The following JAKMIP3 variants were observed in gnomAD, a reference collection of about 807,000 sequenced individuals.
The protein encoded by JAKMIP3 is Janus kinase and microtubule interacting protein 3, also known as janus kinase and microtubule-interacting protein 3.
JAKMIP3 carries 58 observed loss-of-function variants against 118.5 expected under a neutral mutation model. The observed-to-expected ratio is 0.49, with a 90% CI of 0.40 to 0.61. The LOEUF is 0.61. JAKMIP3 is among the 20% of genes least tolerant of loss of function. The pLI is 0.00. For missense variants in JAKMIP3, 950 were observed against 1,109.0 expected (o/e 0.86, Z 2.04); for synonymous variants, 486 against 451.2 (o/e 1.08, Z -0.98).
In JAKMIP3 at chr10:132,133,401, C is replaced by T; in HGVS notation, c.723C>T (p.Leu241=). 6.2e-7 allele frequency: 1 copy of T among 1,600,606 alleles called. No homozygotes were observed. Among genetic ancestry groups the T allele is most frequent in the Non-Finnish European group, 8.5e-7 (1 of 1,173,774 alleles). ...CCGGGCATGCTCAGAGACTGCAGCT[C>T]CAAAAAGAGGCTCTAGATGAGCAGC... is the stretch of plus-strand genomic sequence containing the variant. The part of the protein sequence containing the change: ...VQAGHAQRLQ[L]QKEALDEQLS... The change falls in exon 4 of 24, where the codon CTC becomes CTT. Residue 241 remains leucine (L), a synonymous_variant. Transcript: ENST00000684848.
intron 6 of JAKMIP3, among the ~76,000 whole-genome samples, chr10:132,136,488 A>G (rs894607587): frequency 4.7e-4 from 72 of 152,286 alleles, no homozygotes; most frequent in African/African-American, 1.7e-3. Flanking sequence ...CTGCTCCGCC[A>G]AGGCCATGAG....
Position 132,136,068 on chromosome 10 carries a change from A to G in JAKMIP3, c.1108A>G (p.Ile370Val). Residue 370 changes from isoleucine to valine, a missense_variant, in exon 6 of 24, where the codon ATA (isoleucine) becomes GTA (valine). Ile to Val is a conservative substitution (Grantham distance 29). Transcript: ENST00000684848. ...NKLKFVTQEN[I>V]EMRQRAGIIR... ...GTTAAAATTTGTCACCCAGGAGAAC[A>G]TAGAAATGGTGAGGGGGTGGGGGGC... 2 of 1,613,352 alleles carry G rather than the reference A, an allele frequency of 1.2e-6. No individual in the cohort carries two copies. The highest frequency in any genetic ancestry group is 2.2e-5 in the East Asian group (1 of 44,878).
At chr10:132,158,346 C>T (rs943041313) in intron 19 of JAKMIP3, among the ~76,000 whole-genome samples, 1 of 152,128 alleles carries the variant, frequency 6.6e-6, no homozygotes, top group Non-Finnish European at 1.5e-5. Context: ...CCACCATGGT[C>T]CTTGTGATCA....
chr10:132,039,519 G>A (rs1353698952), intron 1 of JAKMIP3, among the ~76,000 whole-genome samples: 1 of 152,204 alleles, frequency 6.6e-6, no homozygotes, highest in African/African-American at 2.4e-5. Flanking sequence ...GCAAGGCTGA[G>A]AGGCCTGGCC....
In JAKMIP3 at chr10:132,049,325, C is replaced by T. The variant is rs1172976586; in HGVS notation, c.-138+12587C>T. 6.6e-6 allele frequency among the ~76,000 whole-genome samples: 1 copy of T among 152,114 alleles called. No individual in the cohort carries two copies. Among genetic ancestry groups the T allele is most frequent in the African/African-American group, 2.4e-5 (1 of 41,414 alleles). On this transcript the variant is annotated intron_variant, in intron 1 of 23. Transcript: ENST00000657785. The surrounding 1 kb of genome is among the most constrained non-coding windows in gnomAD (Gnocchi z 4.3). ...TTAGGGCTGGGAGTGCTGCCCTCCT[C>T]CTCACCTTCCACTTCCTCCTCTTTC...
intron 1 of JAKMIP3, among the ~76,000 whole-genome samples, chr10:132,048,783 C>G (rs573832674): frequency 1.7e-4 from 22 of 132,014 alleles, no homozygotes; most frequent in African/African-American, 4.8e-4. Flanking sequence ...ACTACAGGCA[C>G]CCGCCACCAC....
Position 132,168,081 on chromosome 10 carries a change from G to A in JAKMIP3, c.*151G>A. Reference sequence around the variant, plus strand: ...CACGCCCGTCCCGTGGAGGAAGAGTGAGAAGGGGCAGTGTGTGGGGCGTGG... The same window carrying A: ...CACGCCCGTCCCGTGGAGGAAGAGTAAGAAGGGGCAGTGTGTGGGGCGTGG... On this transcript the variant is annotated 3_prime_UTR_variant, in exon 23 of 24. Transcript: ENST00000684848. 2 of 1,289,536 alleles carry A rather than the reference G, an allele frequency of 1.6e-6. No individual in the cohort carries two copies. The highest frequency in any genetic ancestry group is 1.0e-6 in the Non-Finnish European group (1 of 988,796). 79.9% of individuals were successfully genotyped at this position (1,289,536 alleles called of 1,614,324 possible). A position where few individuals can be genotyped will look rare whatever the true frequency, so the allele number is the denominator to read the frequency against.
Position 132,044,806 on chromosome 10 carries a change from C to T in JAKMIP3, c.-138+8068C>T, listed in dbSNP as rs1194655583. ...CTTCCCAAACGGAAACTGTACCCCCCACCCAGCCCCTGACACCCCCACTGG... is the reference window on the plus strand; with the variant it reads ...CTTCCCAAACGGAAACTGTACCCCCTACCCAGCCCCTGACACCCCCACTGG... On this transcript the variant is annotated intron_variant, in intron 1 of 23. Transcript: ENST00000657785. The surrounding 1 kb of genome is among the most constrained non-coding windows in gnomAD (Gnocchi z 5.3). Among the ~76,000 whole-genome samples the T allele has an allele frequency of 6.6e-6, 1 of 152,114 alleles. No homozygotes were observed. Among genetic ancestry groups the T allele is most frequent in the Non-Finnish European group, 1.5e-5 (1 of 68,032 alleles).
At chr10:132,123,694 G>T (rs927717220) in intron 3 of JAKMIP3, among the ~76,000 whole-genome samples, 4 of 152,184 alleles carry the variant, frequency 2.6e-5, no homozygotes, top group African/African-American at 9.7e-5. Flanking sequence ...TTCAAAAATG[G>T]CATTGCTGAG....
chr10:132,039,308 G>A (rs917333876), intron 1 of JAKMIP3, among the ~76,000 whole-genome samples: 7 of 152,214 alleles, frequency 4.6e-5, no homozygotes, highest in African/African-American at 1.7e-4. Context: ...TCTTAGCTGT[G>A]ATTCAGGAAC....
chr10:132,093,183 G>A (rs2043325956), intron 1 of JAKMIP3, among the ~76,000 whole-genome samples: 1 of 152,194 alleles, frequency 6.6e-6, no homozygotes, highest in African/African-American at 2.4e-5. Context: ...GCCCTTACTG[G>A]GGGGTGCCTC....
chr10:132,045,630 T>A (rs1331131163), intron 1 of JAKMIP3, among the ~76,000 whole-genome samples: 4 of 152,220 alleles, frequency 2.6e-5, no homozygotes, highest in Admixed American at 2.6e-4. Context: ...TAATTCTTTA[T>A]TTCAAGAATA....
chr10:132,053,383 G>A (rs1375446149), intron 1 of JAKMIP3, among the ~76,000 whole-genome samples: 1 of 152,228 alleles, frequency 6.6e-6, no homozygotes, highest in Non-Finnish European at 1.5e-5. Context: ...AGGGGAGACT[G>A]TCCTGTGGAA....
rs1437895944 is a variant in JAKMIP3 at position 132,140,588 on chromosome 10, G to T, written c.1473+9G>T. On this transcript the variant is annotated intron_variant, in intron 10 of 23. Coordinates refer to ENST00000684848, the MANE Select transcript of JAKMIP3 (RefSeq NM_001323087.2). ...ACGATGACTTGGAGGAGGTAACGAG[G>T]GTCTCCTGCCGGGTCCTGGGCTTGG... 1 of 1,406,198 alleles carries T rather than the reference G, an allele frequency of 7.1e-7. No individual in the cohort carries two copies. Among genetic ancestry groups the T allele is most frequent in the Non-Finnish European group, 9.4e-7 (1 of 1,066,556 alleles). 87.1% of individuals were successfully genotyped at this position (1,406,198 alleles called of 1,614,324 possible).
chr10:132,120,469 A>G (rs1406063408), intron 3 of JAKMIP3, among the ~76,000 whole-genome samples: 1 of 152,202 alleles, frequency 6.6e-6, no homozygotes, highest in East Asian at 1.9e-4. Context: ...CATCAGGGAC[A>G]CAGCTCCCAT....
At chr10:132,037,913 G>A (rs573950205) in intron 1 of JAKMIP3, among the ~76,000 whole-genome samples, 1 of 152,240 alleles carries the variant, frequency 6.6e-6, no homozygotes, top group Non-Finnish European at 1.5e-5. Context: ...AATTGGCCCC[G>A]AGTCGGTTGC....
At chr10:132,070,083 C>T (rs2039588049) in intron 1 of JAKMIP3, among the ~76,000 whole-genome samples, 1 of 152,118 alleles carries the variant, frequency 6.6e-6, no homozygotes, top group Non-Finnish European at 1.5e-5. Flanking sequence ...GCACCAACTC[C>T]CAGTGAGTGT....
chr10:132,066,868 T>C (rs1186544487), intron 1 of JAKMIP3, among the ~76,000 whole-genome samples: 1 of 152,102 alleles, frequency 6.6e-6, no homozygotes, highest in Non-Finnish European at 1.5e-5. Context: ...CTGATGCTTA[T>C]TGAGATGTCA....
intron 1 of JAKMIP3, among the ~76,000 whole-genome samples, chr10:132,066,417 TC>T (rs1205750227): frequency 2.0e-5 from 3 of 152,006 alleles, no homozygotes; most frequent in Non-Finnish European, 4.4e-5. Flanking sequence ...CCAGGCTGAG[TC>T]TGTGTATTGC....
Sources: allele counts gnomAD v4.1 joint callset (sites outside exome capture counted in the v4.1 genomes callset), GRCh38; gene constraint gnomAD v4.1.1; non-coding constraint Gnocchi (gnomAD v3.1); transcripts MANE v1.5; gene names NCBI Gene and HGNC (gene_info 2026-07-23, HGNC 2026-07-21).